Variants in HIF1A observed in about 807,000 individuals in gnomAD.
HIF1A encodes hypoxia-inducible factor 1-alpha.
A neutral mutation model predicts 92.7 loss-of-function variants in HIF1A; 24 were observed. The ratio of observed to expected loss-of-function variants is 0.26; its 90% CI spans 0.19 to 0.36. HIF1A has a LOEUF of 0.36. Among genes scored for constraint, HIF1A ranks in the 10% least tolerant of loss-of-function variants. HIF1A has a pLI of 1.00. For missense variants in HIF1A, 799 were observed against 998.5 expected (o/e 0.80, Z 2.69); for synonymous variants, 319 against 338.7 (o/e 0.94, Z 0.64).
intron 12 of HIF1A, 101 bp from the exon 13 acceptor site, chr14:61,744,604 A>T: frequency 1.8e-6 from 1 of 543,586 alleles, no homozygotes; most frequent in Non-Finnish European, 3.3e-6. Context: ...TATATTCCTT[A>T]ATATTGGAGA....
At chr14:61,704,873 A>T (rs2044220353) in intron 1 of HIF1A, among the ~76,000 whole-genome samples, 2 of 152,074 alleles carry the variant, frequency 1.3e-5, no homozygotes, top group South Asian at 4.1e-4. Context: ...TCCATTTTTT[A>T]TGTTCATTCA....
At chr14:61,721,001 G>A (rs2044420083) in intron 2 of HIF1A, among the ~76,000 whole-genome samples, 1 of 152,080 alleles carries the variant, frequency 6.6e-6, no homozygotes, top group African/African-American at 2.4e-5. Flanking sequence ...CAGAACTTTG[G>A]GATGCTGAGG....
At chr14:61,734,427 A>G (rs910492235) in intron 8 of HIF1A, 142 bp downstream of exon 8, 14 of 624,074 alleles carry the variant, frequency 2.2e-5, no homozygotes, top group South Asian at 1.8e-4. Flanking sequence ...ATTATTTTCT[A>G]TACTCTGACC....
At chr14:61,707,075 G>C (rs1347827600) in intron 1 of HIF1A, among the ~76,000 whole-genome samples, 2 of 152,212 alleles carry the variant, frequency 1.3e-5, no homozygotes, top group Admixed American at 6.5e-5. Flanking sequence ...TTTTTAAAGA[G>C]AAAAGTATGT....
intron 12 of HIF1A, among the ~76,000 whole-genome samples, chr14:61,742,757 G>A (rs894473099): frequency 4.6e-5 from 7 of 151,888 alleles, no homozygotes; most frequent in African/African-American, 1.7e-4. Context: ...GGTGGCACGT[G>A]CCTGTAATCC....
chr14:61,722,874 A>G (rs542592620), intron 4 of HIF1A, among the ~76,000 whole-genome samples: 2 of 152,380 alleles, frequency 1.3e-5, no homozygotes, highest in African/African-American at 4.8e-5. Flanking sequence ...TTAAAAAATT[A>G]AAGTCTTTCT....
Position 61,740,630 on chromosome 14 carries a change from A to G in HIF1A, c.1659+3A>G, listed in dbSNP as rs1188582529. 8 of 1,582,594 alleles carry G rather than the reference A, an allele frequency of 5.1e-6. No individual in the cohort carries two copies. In the African/African-American group the frequency reaches 9.6e-5, roughly 19 times the overall value. Reference sequence around the variant, plus strand: ...CAAAGAACCCATTTTCTACTCAGGTATATGAACTTATTTGTTTTATATTAA... The same window carrying G: ...CAAAGAACCCATTTTCTACTCAGGTGTATGAACTTATTTGTTTTATATTAA... On this transcript the variant is annotated splice_donor_region_variant and intron_variant, in intron 11 of 14. Transcript: ENST00000337138.
Position 61,697,535 on chromosome 14 carries a change from T to G in HIF1A, c.35+1696T>G, listed in dbSNP as rs932887901. 8.3e-4 allele frequency: 195 copies of G among 234,826 alleles called. 4 individuals are homozygous for G. In the East Asian group the frequency reaches 0.026, roughly 31 times the overall value. The allele number at this position is 234,826 out of a possible 1,614,324, so 14.5% of individuals were successfully genotyped here. On this transcript the variant is annotated intron_variant, in intron 1 of 14. Transcript: ENST00000337138. ...TATCAGAAGCAGTTTTGAAACGAATTAATAAATTAGCTACTGTTCATCAGC... is the reference window on the plus strand; with the variant it reads ...TATCAGAAGCAGTTTTGAAACGAATGAATAAATTAGCTACTGTTCATCAGC...
At chr14:61,718,147 T>G (rs1332216584) in intron 1 of HIF1A, among the ~76,000 whole-genome samples, 1 of 151,958 alleles carries the variant, frequency 6.6e-6, no homozygotes, top group African/African-American at 2.4e-5. Flanking sequence ...TACAGTAAGT[T>G]GCTTATAAAA....
intron 6 of HIF1A, among the ~76,000 whole-genome samples, chr14:61,730,546 T>C (rs1451600252): frequency 6.6e-6 from 1 of 152,208 alleles, no homozygotes; most frequent in Non-Finnish European, 1.5e-5. Flanking sequence ...TTTTTAAAAA[T>C]CTTTTGTTTA....
chr14:61,719,049 G>A (rs2044396308), intron 1 of HIF1A, among the ~76,000 whole-genome samples: 1 of 152,184 alleles, frequency 6.6e-6, no homozygotes, highest in African/African-American at 2.4e-5. Context: ...AACTGTGCTT[G>A]TTACTCCAGA....
chr14:61,744,515 CAAA>C (rs35092820), intron 12 of HIF1A, among the ~76,000 whole-genome samples, 187 bp from the exon 13 acceptor site: 2 of 130,818 alleles, frequency 1.5e-5, no homozygotes, highest in Non-Finnish European at 1.6e-5. Flanking sequence ...CGTGTTTCAC[CAAA>C]AAAAAAAAAA....
At chr14:61,721,706 A>T in intron 3 of HIF1A, 33 bp from the exon 4 acceptor site, 1 of 1,610,268 alleles carries the variant, frequency 6.2e-7, no homozygotes, top group Non-Finnish European at 8.5e-7. Context: ...TGATTTTATG[A>T]TCTAGCCCTA....
In HIF1A at chr14:61,714,926, C is replaced by A. The variant is rs113634781; in HGVS notation, c.36-5456C>A. Among the ~76,000 whole-genome samples, 775 of 152,064 alleles carry A rather than the reference C, an allele frequency of 5.1e-3. 6 individuals carry two copies. Among genetic ancestry groups the A allele is most frequent in the African/African-American group, 0.017 (726 of 41,488 alleles). ...GCACACGCCTGTAATCCCAGCTACT[C>A]GGGAGGCTGAGGCAGGAGAATTGCT... On this transcript the variant is annotated intron_variant, in intron 1 of 14. Transcript: ENST00000337138.
chr14:61,695,861 GCCGCCTTCTCCCCCGGCGACC>G lies in HIF1A; in HGVS notation c.35+28_35+48del, dbSNP rs2044107047. On this transcript the variant is annotated intron_variant, in intron 1 of 14. Transcript: ENST00000337138. ...AAAAGTAAGCCCATTCCCTCGGCCC[GCCGCCTTCTCCCCCGGCGACC>G]CCGCCCGCCTGCCCGCCCTGGGCTC... 6.4e-6 allele frequency: 10 copies of G among 1,559,800 alleles called. No individual in the cohort carries two copies. In the Admixed American group the frequency reaches 1.4e-4, roughly 21 times the overall value.
Position 61,726,742 on chromosome 14 carries a change from G to A in HIF1A, c.494G>A (p.Arg165Gln), listed in dbSNP as rs559928080. The change falls in exon 5 of 15, where the codon CGA becomes CAA. Residue 165 changes from arginine to glutamine, a missense_variant. Coordinates refer to ENST00000337138, the MANE Select transcript of HIF1A (RefSeq NM_001530.4). ...AAGGGTAAAGAACAAAACACACAGC[G>A]AAGCTTTTTTCTCAGAATGAAGTGT... ...VKKGKEQNTQRSFFLRMKCTL... is the reference protein window; with the variant it reads ...VKKGKEQNTQQSFFLRMKCTL... The A allele has an allele frequency of 7.5e-6, 12 of 1,608,874 alleles. No individual in the cohort carries two copies. The highest frequency in any genetic ancestry group is 4.5e-5 in the South Asian group (4 of 89,748).
intron 8 of HIF1A, among the ~76,000 whole-genome samples, chr14:61,736,179 C>T (rs1336460313): frequency 6.6e-6 from 1 of 152,014 alleles, no homozygotes; most frequent in Non-Finnish European, 1.5e-5. Context: ...AGGGTTTTGC[C>T]ATGTTGGCCA....
intron 7 of HIF1A, among the ~76,000 whole-genome samples, chr14:61,733,540 T>C (rs538359225): frequency 1.2e-4 from 19 of 152,316 alleles, no homozygotes; most frequent in Non-Finnish European, 2.5e-4. Flanking sequence ...TGCTTGAGGA[T>C]ACCTGAATAT....
intron 6 of HIF1A, among the ~76,000 whole-genome samples, chr14:61,728,019 C>CAAA (rs61241012): frequency 1.4e-5 from 2 of 143,358 alleles, no homozygotes; most frequent in Non-Finnish European, 3.0e-5. Context: ...ACTCCCATTT[C>CAAA]AAAAAAAAAA....
Sources: allele counts gnomAD v4.1 joint callset (sites outside exome capture counted in the v4.1 genomes callset), GRCh38; gene constraint gnomAD v4.1.1; transcripts MANE v1.5; gene names NCBI Gene and HGNC (gene_info 2026-07-23, HGNC 2026-07-21).